The following GATB variants were observed in gnomAD, a reference collection of about 807,000 sequenced individuals.
GATB encodes glutamyl-tRNA amidotransferase subunit B.
GATB carries 39 observed loss-of-function variants against 62.3 expected under a neutral mutation model. The observed-to-expected ratio is 0.63, with a 90% confidence interval of 0.48 to 0.82. The LOEUF is 0.82. Ranked by LOEUF, GATB falls within the 40% of genes least tolerant of loss-of-function variation. The probability of loss-of-function intolerance (pLI) is 0.00; values close to 1 mark genes in which losing one functional copy is unlikely to be tolerated. For missense variants in GATB, 670 were observed against 684.0 expected, an observed-to-expected ratio of 0.98 and a Z score of 0.23; for synonymous variants, 276 against 258.9, an observed-to-expected ratio of 1.07 and a Z score of -0.63.
intron 9 of GATB, among the ~76,000 whole-genome samples, chr4:151,700,276 A>G (rs1646832192): frequency 6.6e-6 from 1 of 152,200 alleles, no homozygotes. Flanking sequence ...ATGCTGAACA[A>G]CATACACTAA....
intron 6 of GATB, among the ~76,000 whole-genome samples, chr4:151,706,395 A>G (rs1015135933): frequency 2.6e-5 from 4 of 151,358 alleles, no homozygotes; most frequent in Non-Finnish European, 4.4e-5. Flanking sequence ...TACCATCACC[A>G]CCTCTTAAAA....
intron 2 of GATB, among the ~76,000 whole-genome samples, chr4:151,748,355 T>C (rs1162535995): frequency 3.3e-5 from 5 of 151,454 alleles, no homozygotes; most frequent in Non-Finnish European, 7.4e-5. Context: ...TCAGAAATAA[T>C]ACCACATCTA....
intron 5 of GATB, among the ~76,000 whole-genome samples, chr4:151,709,142 CA>C (rs112443118): frequency 9.9e-5 from 15 of 152,284 alleles, no homozygotes; most frequent in African/African-American, 3.1e-4. Flanking sequence ...GATTCCAAAG[CA>C]AAAGCATATT....
chr4:151,753,381 C>G (rs1438906550), intron 2 of GATB, among the ~76,000 whole-genome samples: 2 of 152,144 alleles, frequency 1.3e-5, no homozygotes, highest in African/African-American at 4.8e-5. Flanking sequence ...TAGGACACAT[C>G]ATCTCAGTTC....
chr4:151,704,080 C>CT lies in GATB; in HGVS notation c.963-186dup, dbSNP rs755382233. ...AAGAAAGCGAAATGTACAGAATGAT[C>CT]TTTTTTTTTTTTTTTTAAAGGAAAT... On this transcript the variant is annotated intron_variant, in intron 7 of 12. Coordinates refer to ENST00000263985, the MANE Select transcript of GATB (RefSeq NM_004564.3). 0.049 allele frequency among the ~76,000 whole-genome samples: 6,960 copies of CT among 141,092 alleles called. 198 individuals carry two copies. The highest frequency in any genetic ancestry group is 0.072 in the Non-Finnish European group (4,634 of 64,214). 92.6% of individuals were successfully genotyped at this position (141,092 alleles called of 152,430 possible). A position where few individuals can be genotyped will look rare whatever the true frequency, so the allele number is the denominator to read the frequency against.
chr4:151,672,894 C>A lies in GATB; in HGVS notation c.1413G>T (p.Val471=). 6.2e-7 allele frequency: 1 copy of A among 1,614,062 alleles called. No homozygotes were observed. ...RTISSSAAKQ[V]FEELWKREGK... is the part of the protein sequence containing the mutation. ...CTTCCCTCTTCCACAGTTCCTCAAA[C>A]ACCTATGGACCAGAGAAGGGAGAGG... The change falls in exon 12 of 13, where the codon GTG becomes GTT. Residue 471 remains valine, a splice_region_variant and synonymous_variant. Coordinates refer to ENST00000263985, the MANE Select transcript of GATB (RefSeq NM_004564.3).
chr4:151,672,809 C>G lies in GATB; in HGVS notation c.1498G>C (p.Ala500Pro). ...KQLELMQDQG[A>P]LEQLCHSVME... is the part of the protein sequence containing the mutation. The stretch of plus-strand genomic sequence containing the variant: ...ACAGAGTGGCAGAGCTGCTCCAGTG[C>G]CCCCTGGTCCTGCATCAGTTCAAGC... Residue 500 changes from alanine (A) to proline (P), a missense_variant, in exon 12 of 13, where the codon GCA becomes CCA. Transcript: ENST00000263985. The G allele has an allele frequency of 6.2e-7, 1 of 1,614,058 alleles. No individual in the cohort carries two copies. Among genetic ancestry groups the G allele is most frequent in the Non-Finnish European group, 8.5e-7 (1 of 1,179,896 alleles).
chr4:151,692,915 T>C (rs1031272686), intron 9 of GATB, among the ~76,000 whole-genome samples: 1 of 152,230 alleles, frequency 6.6e-6, no homozygotes, highest in Non-Finnish European at 1.5e-5. Context: ...AGGCTCTACA[T>C]CTGCAGACGG....
chr4:151,672,976 T>C, intron 11 of GATB, 80 bp from the exon 12 acceptor site: 1 of 1,541,680 alleles, frequency 6.5e-7, no homozygotes, highest in South Asian at 1.2e-5. Context: ...CTGTGCTGTG[T>C]GGAGCTGGGG....
At chr4:151,714,335 A>G (rs1326975759) in intron 5 of GATB, among the ~76,000 whole-genome samples, 6 of 152,186 alleles carry the variant, frequency 3.9e-5, no homozygotes, top group Non-Finnish European at 7.4e-5. Flanking sequence ...AGGCCAACAC[A>G]GTGGTCCTAA....
At chr4:151,689,530 C>T (rs532045714) in intron 9 of GATB, among the ~76,000 whole-genome samples, 10 of 152,284 alleles carry the variant, frequency 6.6e-5, no homozygotes, top group South Asian at 4.1e-4. Flanking sequence ...GTCAGCCCCA[C>T]GAGTCAGGGC....
intron 2 of GATB, among the ~76,000 whole-genome samples, chr4:151,737,269 C>T (rs750457201): frequency 7.2e-5 from 11 of 152,100 alleles, no homozygotes; most frequent in Admixed American, 1.3e-4. Flanking sequence ...TGTTGCAAAC[C>T]GAAGCAAAGA....
At chr4:151,679,685 T>G (rs1014047532) in intron 11 of GATB, 128 bp downstream of exon 11, 1 of 802,080 alleles carries the variant, frequency 1.2e-6, no homozygotes, top group Non-Finnish European at 2.2e-6. Context: ...CCTTTCAGCA[T>G]TAAAAACACC....
chr4:151,726,317 G>C (rs1026501701), intron 2 of GATB, among the ~76,000 whole-genome samples: 1 of 151,924 alleles, frequency 6.6e-6, no homozygotes, highest in African/African-American at 2.4e-5. Context: ...CCCTGTTTCC[G>C]CACCCCTACA....
At chr4:151,725,879 T>C (rs1205536302) in intron 2 of GATB, among the ~76,000 whole-genome samples, 7 of 152,222 alleles carry the variant, frequency 4.6e-5, no homozygotes, top group African/African-American at 1.2e-4. Flanking sequence ...CCTTCCTACT[T>C]TGCCCTCAAT....
chr4:151,694,568 T>C (rs1278259670), intron 9 of GATB, among the ~76,000 whole-genome samples: 1 of 152,224 alleles, frequency 6.6e-6, no homozygotes, highest in African/African-American at 2.4e-5. Flanking sequence ...GCAATTTTTA[T>C]AAAATGAAGA....
intron 2 of GATB, among the ~76,000 whole-genome samples, chr4:151,743,384 C>T (rs1739535487): frequency 6.6e-6 from 1 of 152,226 alleles, no homozygotes; most frequent in South Asian, 2.1e-4. Flanking sequence ...GGCATCATAA[C>T]ACATGGTGCA....
At chr4:151,702,052 G>A (rs1738617353) in intron 8 of GATB, among the ~76,000 whole-genome samples, 1 of 152,162 alleles carries the variant, frequency 6.6e-6, no homozygotes, top group South Asian at 2.1e-4. Flanking sequence ...GAACAAGAAA[G>A]GGACGGTAAA....
chr4:151,697,947 G>GTATATATATATATA (rs1738506927), intron 9 of GATB, among the ~76,000 whole-genome samples: 1 of 73,496 alleles, frequency 1.4e-5, no homozygotes, highest in African/African-American at 9.5e-5. Flanking sequence ...ATGTGTGTGT[G>GTATATATATATATA]TGTGTGTATA....
Sources: gnomAD v4.1 joint callset for allele counts (sites outside exome capture counted in the v4.1 genomes callset) on GRCh38, gnomAD v4.1.1 for gene constraint, MANE v1.5 for transcripts, NCBI Gene and HGNC (gene_info 2026-07-23, HGNC 2026-07-21) for gene names.